The following HLTF variants were observed in gnomAD, a reference collection of about 807,000 sequenced individuals.
HLTF encodes helicase like transcription factor.
HLTF carries 127 observed loss-of-function variants against 129.4 expected under a neutral mutation model. That is an observed-to-expected ratio of 0.98 (90% confidence interval 0.85 to 1.14). The LOEUF is 1.14. HLTF is among the 50% of genes most tolerant of loss of function. The pLI is 0.00. For synonymous variants in HLTF, 332 were observed against 388.8 expected (o/e 0.85, Z 1.72); for missense variants, 1,139 against 1,187.1 (o/e 0.96, Z 0.60).
At position 149,039,586 on chromosome 3, in the gene HLTF, T is replaced by A. The variant is rs774783492; in HGVS notation, c.2610A>T (p.Pro870=). 2.8e-6 allele frequency: 4 copies of A among 1,415,020 alleles called. No individual in the cohort carries two copies. In the East Asian group the frequency reaches 9.2e-5, roughly 33 times the overall value. The allele number at this position is 1,415,020 out of a possible 1,614,324, so 87.7% of individuals were successfully genotyped here. The part of the protein sequence containing the change: ...FTTFLSLIEI[P]LKASGFVFTR... ...AAAAACACTGTGGAACTTACTTAAG[T>A]GGTATTTCTATTAAAGACAGGAATG... The change falls in exon 22 of 25, where the codon CCA becomes CCT. Residue 870 remains proline (P), a synonymous_variant. Transcript: ENST00000310053.
chr3:149,074,862 A>G (rs1441805007), intron 3 of HLTF, among the ~76,000 whole-genome samples: 1 of 152,220 alleles, frequency 6.6e-6, no homozygotes, highest in Non-Finnish European at 1.5e-5. Flanking sequence ...TAGAATTAGA[A>G]TATCAAGATC....
chr3:149,047,921 G>T, intron 17 of HLTF, 107 bp downstream of exon 17: 2 of 881,626 alleles, frequency 2.3e-6, no homozygotes, highest in Non-Finnish European at 1.7e-6. Context: ...ACACTTTTTA[G>T]AAGGAAAAGT....
At chr3:149,084,150 GA>G (rs1444846775) in intron 2 of HLTF, among the ~76,000 whole-genome samples, 16 of 152,108 alleles carry the variant, frequency 1.1e-4, no homozygotes, top group Middle Eastern at 3.4e-3. Flanking sequence ...AAAAACTTAG[GA>G]AATATTGTCT....
chr3:149,047,962 G>A lies in HLTF; in HGVS notation c.1892+66C>T, dbSNP rs1716692459. On this transcript the variant is annotated intron_variant, in intron 17 of 24. Transcript: ENST00000310053. ...GTCAAGTTAAAATAGTAAAGAAAGTGCCAACTGGTTCAAGCTACTAACAGT... is the reference window on the plus strand; with the variant it reads ...GTCAAGTTAAAATAGTAAAGAAAGTACCAACTGGTTCAAGCTACTAACAGT... The A allele has an allele frequency of 3.0e-6, 4 of 1,313,830 alleles. No homozygotes were observed. In the Admixed American group the frequency reaches 7.5e-5, roughly 25 times the overall value. The allele number at this position is 1,313,830 out of a possible 1,614,324, so 81.4% of individuals were successfully genotyped here.
chr3:149,062,766 A>C (rs1007182659), intron 10 of HLTF, among the ~76,000 whole-genome samples: 1 of 152,222 alleles, frequency 6.6e-6, no homozygotes, highest in Non-Finnish European at 1.5e-5. Flanking sequence ...AATATTCTTC[A>C]GTTTTCATCC....
Position 149,040,290 on chromosome 3 carries a change from C to A in HLTF, c.2377-134G>T, listed in dbSNP as rs1559856272. On this transcript the variant is annotated intron_variant, in intron 20 of 24. Transcript: ENST00000310053. Reference sequence around the variant, plus strand: ...TTTTATTAAACCTTTTAATGGATTTCATCCATTTAAGAGACATCTGAACAT... The same window carrying A: ...TTTTATTAAACCTTTTAATGGATTTAATCCATTTAAGAGACATCTGAACAT... 1.1e-5 allele frequency: 8 copies of A among 743,284 alleles called. No homozygotes were observed. In the East Asian group the frequency reaches 1.9e-4, roughly 18 times the overall value. The allele number at this position is 743,284 out of a possible 1,614,324, so 46.0% of individuals were successfully genotyped here.
At chr3:149,047,321 C>CATG in intron 17 of HLTF, among the ~76,000 whole-genome samples, 1 of 152,284 alleles carries the variant, frequency 6.6e-6, no homozygotes, top group Non-Finnish European at 1.5e-5. Flanking sequence ...TTGCTAAGGT[C>CATG]ATGGTACCTC....
chr3:149,032,281 G>C lies in HLTF; in HGVS notation c.2969C>G (p.Pro990Arg). 1 of 1,598,262 alleles carries C rather than the reference G, an allele frequency of 6.3e-7. No individual in the cohort carries two copies. Reference sequence around the variant, plus strand: ...GGCTTGTTTCATTTCGTCAGCATTTGGTTTTTTAGTTCCAAAGGCTCCTGC... The same window carrying C: ...GGCTTGTTTCATTTCGTCAGCATTTCGTTTTTTAGTTCCAAAGGCTCCTGC... Reference protein sequence around the residue: ...LAAGAFGTKKPNADEMKQAKI... With the variant: ...LAAGAFGTKKRNADEMKQAKI... Residue 990 changes from proline (P) to arginine (R), a missense_variant, in exon 25 of 25, where the codon CCA becomes CGA. Coordinates refer to ENST00000310053, the MANE Select transcript of HLTF (RefSeq NM_003071.4).
intron 17 of HLTF, among the ~76,000 whole-genome samples, chr3:149,047,597 G>A (rs1316768550): frequency 3.9e-5 from 6 of 152,100 alleles, no homozygotes; most frequent in African/African-American, 7.2e-5. Context: ...AGCCAAGATC[G>A]CGCCACTGCC....
chr3:149,034,890 T>G, intron 24 of HLTF, 28 bp downstream of exon 24: 1 of 1,455,458 alleles, frequency 6.9e-7, no homozygotes, highest in Non-Finnish European at 9.7e-7. Context: ...ATCAACCTAG[T>G]CTTAAAATAG....
intron 13 of HLTF, among the ~76,000 whole-genome samples, chr3:149,056,713 T>C (rs954776461): frequency 6.6e-6 from 1 of 152,170 alleles, no homozygotes; most frequent in Non-Finnish European, 1.5e-5. Flanking sequence ...CAACAAAGAA[T>C]AAAACAGAAC....
chr3:149,081,011 T>TA (rs1417186772), intron 2 of HLTF, among the ~76,000 whole-genome samples: 1 of 152,144 alleles, frequency 6.6e-6, no homozygotes, highest in Non-Finnish European at 1.5e-5. Flanking sequence ...ACAATATTTT[T>TA]ACTGTACTTT....
intron 23 of HLTF, among the ~76,000 whole-genome samples, chr3:149,036,530 G>A (rs1369350992): frequency 4.6e-5 from 7 of 151,840 alleles, no homozygotes; most frequent in African/African-American, 9.7e-5. Context: ...CTCATGATCC[G>A]CCCACCTCGG....
intron 14 of HLTF, among the ~76,000 whole-genome samples, chr3:149,053,847 T>G (rs1405340544): frequency 6.6e-6 from 1 of 152,160 alleles, no homozygotes; most frequent in Non-Finnish European, 1.5e-5. Flanking sequence ...TATACCTCCA[T>G]TAATACTCTA....
At chr3:149,052,290 T>C (rs1195969450) in intron 14 of HLTF, 3 of 152,066 alleles carry the variant, frequency 2.0e-5, no homozygotes, top group African/African-American at 7.3e-5. Context: ...TAAAAAATTA[T>C]ATGTTGTATG....
chr3:149,035,690 T>TTAAGAGTCAGTC (rs1715541621), intron 23 of HLTF, among the ~76,000 whole-genome samples: 10 of 142,002 alleles, frequency 7.0e-5, no homozygotes, highest in Admixed American at 1.5e-4. Context: ...AAAAGGGGGT[T>TTAAGAGTCAGTC]TTAAGAGTCA....
intron 15 of HLTF, 37 bp from the exon 16 acceptor site, chr3:149,049,038 G>A (rs1321969057): frequency 1.2e-5 from 17 of 1,421,414 alleles, no homozygotes; most frequent in Middle Eastern, 1.8e-4. Context: ...AAAAACACAG[G>A]AAAGTAAAAT....
chr3:149,032,683 C>T (rs1324624067), intron 24 of HLTF, among the ~76,000 whole-genome samples: 1 of 152,188 alleles, frequency 6.6e-6, no homozygotes, highest in Non-Finnish European at 1.5e-5. Flanking sequence ...GCCATTCTGG[C>T]CGGGCACGGT....
chr3:149,069,156 G>GC (rs1158748248), intron 7 of HLTF, among the ~76,000 whole-genome samples: 1 of 134,900 alleles, frequency 7.4e-6, no homozygotes, highest in East Asian at 2.2e-4. Context: ...GCCACATACA[G>GC]TTAAAAAAAA....
Sources: allele counts gnomAD v4.1 joint callset (sites outside exome capture counted in the v4.1 genomes callset), GRCh38; gene constraint gnomAD v4.1.1; transcripts MANE v1.5; gene names NCBI Gene and HGNC (gene_info 2026-07-23, HGNC 2026-07-21).